CHTF18: variants seen among roughly 807,000 people sequenced by gnomAD.
The protein encoded by CHTF18 is chromosome transmission fidelity protein 18 homolog.
CHTF18 carries 151 observed loss-of-function variants against 113.4 expected under a neutral mutation model. The ratio of observed to expected loss-of-function variants is 1.33; its 90% CI spans 1.17 to 1.52. The LOEUF (loss-of-function observed/expected upper bound fraction) is 1.52. Ranked by LOEUF, CHTF18 falls within the 40% of genes most tolerant of loss-of-function variation. The probability of loss-of-function intolerance (pLI) is 0.00; values close to 1 mark genes in which losing one functional copy is unlikely to be tolerated. For missense variants in CHTF18, 1,982 were observed against 1,381.6 expected, an observed-to-expected ratio of 1.43 and a Z score of -6.89; for synonymous variants, 916 against 598.8, an observed-to-expected ratio of 1.53 and a Z score of -7.74.
chr16:793,701 G>T, intron 14 of CHTF18: 1 of 623,084 alleles, frequency 1.6e-6, no homozygotes, highest in Non-Finnish European at 3.0e-6. Flanking sequence ...TGGGACCCCA[G>T]GGGATGCTGG....
At chr16:793,625 G>T in intron 14 of CHTF18, 1 of 530,834 alleles carries the variant, frequency 1.9e-6, no homozygotes, top group Non-Finnish European at 3.5e-6. Context: ...CTGAGCCCCT[G>T]CCTGCCCACA....
intron 20 of CHTF18, 94 bp from the exon 21 acceptor site, chr16:797,600 C>T (rs1409452000): frequency 2.8e-6 from 4 of 1,410,498 alleles, no homozygotes; most frequent in Non-Finnish European, 4.0e-6. Flanking sequence ...GTTCTGGTCC[C>T]TCCTCCCTGG....
intron 6 of CHTF18, 45 bp from the exon 7 acceptor site, chr16:790,480 T>C (rs779179961): frequency 2.5e-6 from 4 of 1,607,972 alleles, no homozygotes; most frequent in Admixed American, 1.7e-5. Context: ...TGGGTTGGCA[T>C]GGTCCCTGCG....
At chr16:791,821 A>G (rs373552752) in intron 8 of CHTF18, 30 bp from the exon 9 acceptor site, 3 of 1,576,260 alleles carry the variant, frequency 1.9e-6, no homozygotes, top group South Asian at 1.2e-5. Flanking sequence ...GGTGCGGTGC[A>G]CACTACGCCT....
At chr16:789,752 C>G in intron 4 of CHTF18, 37 bp downstream of exon 4, 1 of 1,533,310 alleles carries the variant, frequency 6.5e-7, no homozygotes, top group South Asian at 1.2e-5. Context: ...GTGGGTGGGC[C>G]AGTGCTGCTC....
chr16:795,030 C>T (rs927689427), intron 15 of CHTF18, 102 bp from the exon 16 acceptor site: 30 of 948,350 alleles, frequency 3.2e-5, no homozygotes, highest in Admixed American at 7.0e-5. Flanking sequence ...GTGGGGCAGG[C>T]GGCAGGCAGG....
rs751029747 is a variant in CHTF18 at position 790,408 on chromosome 16, G to A, written c.752+9G>A. The A allele has an allele frequency of 1.9e-6, 3 of 1,612,312 alleles. No individual in the cohort carries two copies. Among genetic ancestry groups the A allele is most frequent in the Non-Finnish European group, 2.5e-6 (3 of 1,179,788 alleles). ...TCAGACACCCTGCACAGGTGACTTG[G>A]TTGGCCCTTCCGCCCTGGGGACCCT... is the stretch of plus-strand genomic sequence containing the variant. On this transcript the variant is annotated intron_variant, in intron 6 of 21. Coordinates refer to ENST00000262315, the MANE Select transcript of CHTF18 (RefSeq NM_022092.3).
At position 792,600 on chromosome 16, in the gene CHTF18, T is replaced by C. The variant is rs191385481; in HGVS notation, c.1478+10T>C. The C allele has an allele frequency of 8.7e-4, 1,382 of 1,594,646 alleles. 1 individual carries two copies. Among genetic ancestry groups the C allele is most frequent in the Non-Finnish European group, 1.1e-3 (1,248 of 1,172,650 alleles). The stretch of plus-strand genomic sequence containing the variant: ...GCATTTGCAATGACCAGTGAGTGCA[T>C]GGGCGGGCGCCACAGTCAGGAGAGG... On this transcript the variant is annotated intron_variant, in intron 11 of 21. Transcript: ENST00000262315.
chr16:792,636 T>C (rs2042231309), intron 11 of CHTF18, 46 bp downstream of exon 11: 2 of 1,591,488 alleles, frequency 1.3e-6, no homozygotes, highest in Non-Finnish European at 1.7e-6. Flanking sequence ...CTCTGGTGCC[T>C]GGAGGGAGGG....
chr16:792,706 G>C lies in CHTF18; in HGVS notation c.1479-12G>C, dbSNP rs742320. 2 of 1,567,774 alleles carry C rather than the reference G, an allele frequency of 1.3e-6. No individual in the cohort carries two copies. The highest frequency in any genetic ancestry group is 3.7e-5 in the Admixed American group (2 of 54,272). Reference sequence around the variant, plus strand: ...CAACCCTGGGGTCCCTGGCCCTGCCGCCTCTCCTCAGGTTCGCACCGTCCC... The same window carrying C: ...CAACCCTGGGGTCCCTGGCCCTGCCCCCTCTCCTCAGGTTCGCACCGTCCC... On this transcript the variant is annotated splice_polypyrimidine_tract_variant and intron_variant, in intron 11 of 21. Transcript: ENST00000262315.
chr16:790,450 A>G, intron 6 of CHTF18, 51 bp downstream of exon 6: 2 of 1,611,104 alleles, frequency 1.2e-6, no homozygotes, highest in Non-Finnish European at 8.5e-7. Flanking sequence ...CTCTTGCACC[A>G]ACTCCTAGCT....
chr16:797,841 G>A lies in CHTF18; in HGVS notation c.2794G>A (p.Asp932Asn). ...GGAGCAACCCTGTGGCCCCGCAGGGGACACGGCCCCGGAGCAGGACTCAGT... is the reference window on the plus strand; with the variant it reads ...GGAGCAACCCTGTGGCCCCGCAGGGAACACGGCCCCGGAGCAGGACTCAGT... Reference protein sequence around the residue: ...VRSTAVPSAGDTAPEQDSVER... With the variant: ...VRSTAVPSAGNTAPEQDSVER... The change falls in exon 22 of 22, where the codon GAC (aspartate) becomes AAC (asparagine). Residue 932 changes from aspartate (D) to asparagine (N), a missense_variant and splice_region_variant. Physicochemically the swap from Asp to Asn is conservative, Grantham distance 23 (BLOSUM62 1). Transcript: ENST00000262315. 2 of 1,602,574 alleles carry A rather than the reference G, an allele frequency of 1.2e-6. No homozygotes were observed. The highest frequency in any genetic ancestry group is 1.7e-6 in the Non-Finnish European group (2 of 1,175,240).
At chr16:791,554 G>A in intron 8 of CHTF18, 184 bp downstream of exon 8, 5 of 1,434,898 alleles carry the variant, frequency 3.5e-6, no homozygotes, top group South Asian at 1.5e-5. Context: ...GGAAGTCGTT[G>A]TCCCTGAAGG....
At chr16:791,738 T>C (rs960245518) in intron 8 of CHTF18, 113 bp from the exon 9 acceptor site, 1 of 1,456,542 alleles carries the variant, frequency 6.9e-7, no homozygotes, top group East Asian at 2.5e-5. Flanking sequence ...ATGGCTGGAG[T>C]GGGGTGGAGG....
intron 15 of CHTF18, chr16:794,881 GTC>G (rs1340360755): frequency 3.1e-5 from 16 of 520,058 alleles, no homozygotes; most frequent in Non-Finnish European, 5.1e-5. Context: ...TGTCAAGTCA[GTC>G]TCTGTCAAGC....
intron 18 of CHTF18, 124 bp downstream of exon 18, chr16:796,201 C>T: frequency 7.7e-7 from 1 of 1,299,924 alleles, no homozygotes; most frequent in Non-Finnish European, 1.0e-6. Context: ...TGGCGGGCCC[C>T]AGCTTATCTT....
intron 8 of CHTF18, 79 bp from the exon 9 acceptor site, chr16:791,772 T>C (rs1596754407): frequency 6.6e-7 from 1 of 1,515,686 alleles, no homozygotes; most frequent in Non-Finnish European, 8.8e-7. Flanking sequence ...GTGGGACACA[T>C]GTGGCAGTCC....
chr16:790,452 C>G (rs769250285), intron 6 of CHTF18, 53 bp downstream of exon 6: 8 of 1,609,948 alleles, frequency 5.0e-6, no homozygotes, highest in Non-Finnish European at 2.5e-6. Context: ...CTTGCACCAA[C>G]TCCTAGCTCC....
chr16:790,921 C>G (rs1010971608), intron 7 of CHTF18: 1 of 1,432,720 alleles, frequency 7.0e-7, no homozygotes, highest in South Asian at 1.5e-5. Flanking sequence ...ACCTTCACAG[C>G]AGCTGACACT....
Sources: allele counts gnomAD v4.1 joint callset, GRCh38; gene constraint gnomAD v4.1.1; transcripts MANE v1.5; gene names NCBI Gene and HGNC (gene_info 2026-07-23, HGNC 2026-07-21).